The following TAFA2 variants were observed in gnomAD, a reference collection of about 807,000 sequenced individuals.
TAFA2 encodes TAFA chemokine like family member 2, also known as chemokine-like protein TAFA-2.
Under a neutral mutation model 18.8 loss-of-function variants are expected in TAFA2, and 7 were observed. The ratio of observed to expected loss-of-function variants is 0.37; its 90% confidence interval spans 0.21 to 0.70. TAFA2 has a LOEUF of 0.70. Ranked by LOEUF, TAFA2 falls within the 30% of genes least tolerant of loss-of-function variation. The pLI is 0.53. For missense variants in TAFA2, 122 were observed against 158.1 expected, an observed-to-expected ratio of 0.77 and a Z score of 1.23; for synonymous variants, 60 against 54.2, an observed-to-expected ratio of 1.11 and a Z score of -0.47.
intron 1 of TAFA2, among the ~76,000 whole-genome samples, chr12:62,040,350 C>G (rs927883275): frequency 6.6e-6 from 1 of 152,060 alleles, no homozygotes; most frequent in Admixed American, 6.6e-5. Flanking sequence ...CTCCTAAACC[C>G]CAATACCTCA....
intron 1 of TAFA2, among the ~76,000 whole-genome samples, chr12:61,969,573 G>C (rs7952870): frequency 0.59 from 89,170 of 151,446 alleles, 26,734 homozygotes; most frequent in Non-Finnish European, 0.62. Flanking sequence ...TTAAATATCT[G>C]TAATGAAAGA....
intron 1 of TAFA2, among the ~76,000 whole-genome samples, chr12:61,978,153 C>T (rs936669169): frequency 7.2e-5 from 11 of 151,910 alleles, no homozygotes; most frequent in African/African-American, 2.7e-4. Flanking sequence ...AATAATATTA[C>T]CCCTCTCAGT....
At chr12:62,170,431 GAAACTTGTCC>G (rs1232424046) in intron 1 of TAFA2, among the ~76,000 whole-genome samples, 10 of 152,090 alleles carry the variant, frequency 6.6e-5, no homozygotes, top group African/African-American at 2.4e-4. Flanking sequence ...TACTAGTTTT[GAAACTTGTCC>G]AACTTGTACA....
intron 1 of TAFA2, among the ~76,000 whole-genome samples, chr12:62,175,380 C>T (rs543163633): frequency 6.6e-6 from 1 of 152,256 alleles, no homozygotes; most frequent in African/African-American, 2.4e-5. Flanking sequence ...TTTGTATCTA[C>T]ACACTCCAAG....
chr12:61,730,694 A>G (rs1405475096), intron 4 of TAFA2, among the ~76,000 whole-genome samples: 1 of 151,982 alleles, frequency 6.6e-6, no homozygotes, highest in Non-Finnish European at 1.5e-5. Context: ...AAGTGGGGAA[A>G]GTTGGCAGTG....
At chr12:61,972,414 C>T (rs1483894399) in intron 1 of TAFA2, among the ~76,000 whole-genome samples, 1 of 151,474 alleles carries the variant, frequency 6.6e-6, no homozygotes, top group East Asian at 1.9e-4. Flanking sequence ...GGAGATACAA[C>T]CAAGTGGTGA....
intron 2 of TAFA2, among the ~76,000 whole-genome samples, chr12:61,805,708 A>T (rs983854172): frequency 1.3e-5 from 2 of 152,158 alleles, no homozygotes; most frequent in Non-Finnish European, 2.9e-5. Context: ...TATTTAGTAG[A>T]TTAATGTGGA....
At chr12:62,222,670 C>G (rs1159304607) in intron 1 of TAFA2, among the ~76,000 whole-genome samples, 4 of 143,664 alleles carry the variant, frequency 2.8e-5, no homozygotes, top group African/African-American at 1.1e-4. Flanking sequence ...CCACGCCCAG[C>G]TAATTTTTTT....
intron 1 of TAFA2, among the ~76,000 whole-genome samples, chr12:62,206,460 A>G (rs2062692077): frequency 6.6e-6 from 1 of 152,194 alleles, no homozygotes; most frequent in African/African-American, 2.4e-5. Flanking sequence ...ATTAATTCCA[A>G]TGCTTTATTT....
At chr12:62,231,859 A>G (rs2062813249) in intron 1 of TAFA2, among the ~76,000 whole-genome samples, 2 of 152,150 alleles carry the variant, frequency 1.3e-5, no homozygotes, top group Admixed American at 1.3e-4. Context: ...CTTTAAATGT[A>G]TTAGTACATT....
chr12:61,936,082 A>C (rs1031807020), intron 1 of TAFA2, among the ~76,000 whole-genome samples: 1 of 152,158 alleles, frequency 6.6e-6, no homozygotes, highest in African/African-American at 2.4e-5. Context: ...TATCCTCATC[A>C]AAATACTAGC....
chr12:61,906,855 C>A (rs2124536), intron 1 of TAFA2, among the ~76,000 whole-genome samples: 1 of 152,074 alleles, frequency 6.6e-6, no homozygotes, highest in Non-Finnish European at 1.5e-5. Context: ...AAGAGACTGG[C>A]AGAATTTTGC....
At chr12:61,846,929 A>C (rs1221941753) in intron 2 of TAFA2, among the ~76,000 whole-genome samples, 1 of 152,178 alleles carries the variant, frequency 6.6e-6, no homozygotes, top group Non-Finnish European at 1.5e-5. Context: ...TCATCAAACA[A>C]GCGACTTTGT....
chr12:61,907,432 T>C (rs1176143516), intron 1 of TAFA2, among the ~76,000 whole-genome samples: 6 of 152,210 alleles, frequency 3.9e-5, no homozygotes, highest in African/African-American at 1.4e-4. Flanking sequence ...CATGTGGTGT[T>C]GGGCCTGTTG....
intron 1 of TAFA2, among the ~76,000 whole-genome samples, chr12:62,101,875 G>A (rs1258970950): frequency 6.6e-6 from 1 of 152,204 alleles, no homozygotes; most frequent in Admixed American, 6.5e-5. Context: ...ACAGGAAAAG[G>A]AAGGAGGAAG....
chr12:61,984,144 C>T (rs962598285), intron 1 of TAFA2, among the ~76,000 whole-genome samples: 6 of 152,224 alleles, frequency 3.9e-5, no homozygotes, highest in African/African-American at 1.2e-4. Flanking sequence ...AGTGTAGACA[C>T]ACTAAAAGCA....
At chr12:62,159,239 G>A (rs2062390942) in intron 1 of TAFA2, among the ~76,000 whole-genome samples, 1 of 152,252 alleles carries the variant, frequency 6.6e-6, no homozygotes, top group African/African-American at 2.4e-5. Context: ...GGTGGGTGCA[G>A]GAGAGAATAA....
At chr12:61,857,088 G>A (rs1420737505) in intron 2 of TAFA2, among the ~76,000 whole-genome samples, 2 of 151,714 alleles carry the variant, frequency 1.3e-5, no homozygotes, top group Non-Finnish European at 2.9e-5. Flanking sequence ...TCCAACAATA[G>A]TTTATATTTT....
At chr12:61,902,109 A>AG (rs1186373989) in intron 1 of TAFA2, among the ~76,000 whole-genome samples, 1 of 151,710 alleles carries the variant, frequency 6.6e-6, no homozygotes, top group East Asian at 1.9e-4. Context: ...AAAAAAAAAA[A>AG]AAAACCTGTA....
Sources: gnomAD v4.1 joint callset for allele counts (sites outside exome capture counted in the v4.1 genomes callset) on GRCh38, gnomAD v4.1.1 for gene constraint, MANE v1.5 for transcripts, NCBI Gene and HGNC (gene_info 2026-07-23, HGNC 2026-07-21) for gene names.